SMARCC2: variants seen among roughly 807,000 people sequenced by gnomAD.
SMARCC2 encodes SWI/SNF complex subunit SMARCC2.
SMARCC2 carries 15 observed loss-of-function variants against 151.3 expected under a neutral mutation model. That is an observed-to-expected ratio of 0.10 (90% CI 0.07 to 0.15). The LOEUF (loss-of-function observed/expected upper bound fraction) is 0.15. SMARCC2 is among the 10% of genes least tolerant of loss of function. SMARCC2 has a pLI of 1.00. For missense variants in SMARCC2, 1,031 were observed against 1,599.7 expected (o/e 0.64, Z 6.06); for synonymous variants, 590 against 609.5 (o/e 0.97, Z 0.47).
At chr12:56,167,491 C>T (rs1240144712) in intron 26 of SMARCC2, among the ~76,000 whole-genome samples, 7 of 152,226 alleles carry the variant, frequency 4.6e-5, no homozygotes, top group Admixed American at 3.3e-4. Flanking sequence ...ATGTGGGCCA[C>T]TGTGCCCAGT....
rs1405499873 is a variant in SMARCC2, at chr12:56,184,159, A to G, written c.562+16T>C. 6.2e-7 allele frequency: 1 copy of G among 1,604,192 alleles called. No individual in the cohort carries two copies. Among genetic ancestry groups the G allele is most frequent in the Non-Finnish European group, 8.5e-7 (1 of 1,171,352 alleles). On this transcript the variant is annotated intron_variant, in intron 6 of 28. Transcript: ENST00000550164. ...CAAACCATCCACTCAAGTGGACAGG[A>G]AAACCCAGGTCTCACCTTCTTCTAG...
Position 56,169,701 on chromosome 12 carries a change from C to A in SMARCC2, c.2549-6G>T. ...CTTCTCCTTCTCAGGATCGACTGGG[C>A]CAGGACAAGGGTTGAGTTAGCCCCA... On this transcript the variant is annotated splice_region_variant and splice_polypyrimidine_tract_variant and intron_variant, in intron 24 of 28. Transcript: ENST00000550164. 1 of 1,614,062 alleles carries A rather than the reference C, an allele frequency of 6.2e-7. No homozygotes were observed. Among genetic ancestry groups the A allele is most frequent in the African/African-American group, 1.3e-5 (1 of 75,058 alleles).
intron 16 of SMARCC2, among the ~76,000 whole-genome samples, chr12:56,174,282 T>C (rs887013124): frequency 6.6e-6 from 1 of 152,142 alleles, no homozygotes; most frequent in Non-Finnish European, 1.5e-5. Flanking sequence ...GCTAATTTTT[T>C]TGCATTTTCT....
In SMARCC2 at chr12:56,165,331, G is replaced by A. The variant is rs780104651; in HGVS notation, c.3219C>T (p.Pro1073=). The A allele has an allele frequency of 2.3e-5, 35 of 1,496,180 alleles. No homozygotes were observed. Among genetic ancestry groups the A allele is most frequent in the Non-Finnish European group, 2.9e-5 (33 of 1,126,426 alleles). The allele number at this position is 1,496,180 out of a possible 1,614,324, so 92.7% of individuals were successfully genotyped here. ...QPGAVPPGVP[P]PGPHGPSPFP... Reference sequence around the variant, plus strand: ...CATAACACTTACCATGGGGTCCAGGGGGGGGAACCCCTGGTGGGACTGCCC... The same window carrying A: ...CATAACACTTACCATGGGGTCCAGGAGGGGGAACCCCTGGTGGGACTGCCC... The change falls in exon 27 of 29, where the codon CCC becomes CCT. Residue 1073 remains proline (P), a synonymous_variant. Transcript: ENST00000550164.
At chr12:56,186,131 G>A in intron 3 of SMARCC2, 24 bp downstream of exon 3, 2 of 1,483,470 alleles carry the variant, frequency 1.3e-6, no homozygotes, top group South Asian at 2.3e-5. Context: ...CTAAATATAA[G>A]AAGAATAGAG....
chr12:56,182,482 G>A (rs1340910619), intron 7 of SMARCC2, among the ~76,000 whole-genome samples: 3 of 151,674 alleles, frequency 2.0e-5, no homozygotes, highest in East Asian at 1.9e-4. Context: ...CTGCCACTGC[G>A]CCCGGCTAAT....
Position 56,162,441 on chromosome 12 carries a change from GAAGA to G in SMARCC2, c.*1244_*1247del. 4.8e-6 allele frequency: 3 copies of G among 621,134 alleles called. No homozygotes were observed. Among genetic ancestry groups the G allele is most frequent in the South Asian group, 2.0e-5 (1 of 50,742 alleles). 38.5% of individuals were successfully genotyped at this position (621,134 alleles called of 1,614,324 possible). ...GAAAATTTACAGAAAACTTTGAACA[GAAGA>G]AAGGTGCTAAGACGCAGAGGGAGAG... On this transcript the variant is annotated 3_prime_UTR_variant, in exon 29 of 29. Transcript: ENST00000550164.
At chr12:56,167,161 G>A (rs1872951404) in intron 26 of SMARCC2, among the ~76,000 whole-genome samples, 1 of 150,782 alleles carries the variant, frequency 6.6e-6, no homozygotes, top group East Asian at 2.0e-4. Context: ...AGACCAGCCT[G>A]ACCAACATAG....
rs1872580134 is a variant in SMARCC2 at position 56,165,367 on chromosome 12, G to C, written c.3183C>G (p.Ala1061=). The C allele has an allele frequency of 6.6e-7, 1 of 1,504,776 alleles. No individual in the cohort carries two copies. Among genetic ancestry groups the C allele is most frequent in the Admixed American group, 2.4e-5 (1 of 42,058 alleles). 93.2% of individuals were successfully genotyped at this position (1,504,776 alleles called of 1,614,324 possible). A position where few individuals can be genotyped will look rare whatever the true frequency, so the allele number is the denominator to read the frequency against. The change falls in exon 27 of 29, where the codon GCC becomes GCG. Residue 1061 remains alanine (A), a synonymous_variant. Coordinates refer to ENST00000550164, the MANE Select transcript of SMARCC2 (RefSeq NM_001330288.2). ...AGPQQQQPAG[A]PQPGAVPPGV... Reference sequence around the variant, plus strand: ...CTGGTGGGACTGCCCCAGGCTGGGGGGCTCCAGCTGGTTGCTGCTGCTGTG... The same window carrying C: ...CTGGTGGGACTGCCCCAGGCTGGGGCGCTCCAGCTGGTTGCTGCTGCTGTG...
At chr12:56,172,211 G>T (rs1874081112) in intron 20 of SMARCC2, 2 of 548,766 alleles carry the variant, frequency 3.6e-6, no homozygotes, top group South Asian at 5.2e-5. Context: ...CTCCTGAGTA[G>T]CTGGGACCAC....
In SMARCC2 at chr12:56,165,486, C is replaced by T; in HGVS notation, c.3064G>A (p.Ala1022Thr). Residue 1022 changes from alanine to threonine, a missense_variant, in exon 27 of 29, where the codon GCC (alanine) becomes ACC (threonine). By Grantham distance (58) the Ala-to-Thr change is moderately conservative. Around this residue, in one of 12 missense-constraint regions of SMARCC2, gnomAD observed 310 missense variants for 350.0 expected, o/e 0.89. Coordinates refer to ENST00000550164, the MANE Select transcript of SMARCC2 (RefSeq NM_001330288.2). ...PAVHGLAVAP[A>T]SVVPAPAGSG... ...CCAGCAGGAGCAGGGACTACAGAGGCTGGAGCCACAGCCAAGCCATGGACT... is the reference window on the plus strand; with the variant it reads ...CCAGCAGGAGCAGGGACTACAGAGGTTGGAGCCACAGCCAAGCCATGGACT... 1 of 1,575,126 alleles carries T rather than the reference C, an allele frequency of 6.3e-7. No individual in the cohort carries two copies. The highest frequency in any genetic ancestry group is 8.6e-7 in the Non-Finnish European group (1 of 1,160,268).
chr12:56,168,308 A>G lies in SMARCC2; in HGVS notation c.2716-114T>C. 5.0e-6 allele frequency: 6 copies of G among 1,207,276 alleles called. No individual in the cohort carries two copies. The South Asian group carries it at 7.1e-5, about 14-fold the overall frequency. 74.8% of individuals were successfully genotyped at this position (1,207,276 alleles called of 1,614,324 possible). On this transcript the variant is annotated intron_variant, in intron 25 of 28. Transcript: ENST00000550164. The stretch of plus-strand genomic sequence containing the variant: ...TAAGAACAAATTTGCTGTGGTCACA[A>G]CCCATGGTGAAAGGGCTTGACTTTT...
chr12:56,168,238 A>G lies in SMARCC2; in HGVS notation c.2716-44T>C, dbSNP rs759235847. ...GACAGCACATCAGTGGGAGGACCCA[A>G]CTGAAGACAATACAGAAGAAAGGTA... On this transcript the variant is annotated intron_variant, in intron 25 of 28. Coordinates refer to ENST00000550164, the MANE Select transcript of SMARCC2 (RefSeq NM_001330288.2). 18 of 1,611,336 alleles carry G rather than the reference A, an allele frequency of 1.1e-5. No homozygotes were observed. In the East Asian group the frequency reaches 1.3e-4, roughly 12 times the overall value.
intron 2 of SMARCC2, 138 bp downstream of exon 2, chr12:56,187,049 A>G (rs1016372124): frequency 7.7e-6 from 6 of 782,792 alleles, no homozygotes; most frequent in African/African-American, 1.7e-5. Context: ...TAATGCCCTG[A>G]TCAGGGATAG....
In SMARCC2 at chr12:56,178,084, G is replaced by A. The variant is rs1252157583; in HGVS notation, c.1320C>T (p.Ala440=). ...AAWFDYNSVH[A]IERRALPEFF... ...ACTCGGGGAGAGCCCTCCGCTCAAT[G>A]GCATGAACACTGCAAGAAAAGCCAG... is the stretch of plus-strand genomic sequence containing the variant. The change falls in exon 15 of 29, where the codon GCC becomes GCT. Residue 440 remains alanine, a synonymous_variant. Transcript: ENST00000550164. 1 of 1,613,100 alleles carries A rather than the reference G, an allele frequency of 6.2e-7. No individual in the cohort carries two copies. Among genetic ancestry groups the A allele is most frequent in the Non-Finnish European group, 8.5e-7 (1 of 1,179,216 alleles).
At position 56,171,220 on chromosome 12, in the gene SMARCC2, A is replaced by G. The variant is rs762677068; in HGVS notation, c.2347+51T>C. On this transcript the variant is annotated intron_variant, in intron 22 of 28. Coordinates refer to ENST00000550164, the MANE Select transcript of SMARCC2 (RefSeq NM_001330288.2). The surrounding 1 kb of genome is among the most constrained non-coding windows in gnomAD (Gnocchi z 4.2). Reference sequence around the variant, plus strand: ...GCAGAAATGGCACAGGAGGCCAGGTAGCTCTGGATCTTGTGAAAGGCAAGA... The same window carrying G: ...GCAGAAATGGCACAGGAGGCCAGGTGGCTCTGGATCTTGTGAAAGGCAAGA... The G allele has an allele frequency of 3.8e-6, 6 of 1,583,088 alleles. No individual in the cohort carries two copies. In the South Asian group the frequency reaches 4.4e-5, roughly 12 times the overall value.
At position 56,162,616 on chromosome 12, in the gene SMARCC2, A is replaced by C. The variant is rs1872036608; in HGVS notation, c.*1073T>G. 5.6e-6 allele frequency: 2 copies of C among 356,980 alleles called. No homozygotes were observed. Among genetic ancestry groups the C allele is most frequent in the Non-Finnish European group, 1.0e-5 (2 of 196,666 alleles). 22.1% of individuals were successfully genotyped at this position (356,980 alleles called of 1,614,324 possible). The stretch of plus-strand genomic sequence containing the variant: ...ATGCGGGAAGCAGAGTTGAGCTGCG[A>C]GCCAAGGGTTGGTCCAACCCAAGGT... On this transcript the variant is annotated 3_prime_UTR_variant, in exon 29 of 29. Transcript: ENST00000550164.
chr12:56,181,971 T>C, intron 8 of SMARCC2, 33 bp downstream of exon 8: 1 of 1,594,734 alleles, frequency 6.3e-7, no homozygotes, highest in Non-Finnish European at 8.6e-7. Context: ...CTGGCATTCT[T>C]TTTGGGGAAG....
At chr12:56,176,143 C>T (rs1451075367) in intron 15 of SMARCC2, among the ~76,000 whole-genome samples, 9 of 147,646 alleles carry the variant, frequency 6.1e-5, no homozygotes, top group African/African-American at 2.4e-4. Context: ...AGGCGTGAGC[C>T]ACCATGCCCA....
Sources: gnomAD v4.1 joint callset for allele counts (sites outside exome capture counted in the v4.1 genomes callset) on GRCh38, gnomAD v4.1.1 for gene constraint, gnomAD v4.1.1 regional missense constraint, Gnocchi (gnomAD v3.1) non-coding constraint, MANE v1.5 for transcripts, NCBI Gene and HGNC (gene_info 2026-07-23, HGNC 2026-07-21) for gene names.